RPAP2: variants seen among roughly 807,000 people sequenced by gnomAD.
RPAP2 encodes the protein putative RNA polymerase II subunit B1 CTD phosphatase RPAP2.
RPAP2 carries 52 observed loss-of-function variants against 73.1 expected under a neutral mutation model. The observed-to-expected ratio is 0.71, with a 90% CI of 0.57 to 0.90. The LOEUF is 0.90. Among genes scored for constraint, RPAP2 ranks in the 40% least tolerant of loss-of-function variants. The pLI is 0.00. For synonymous variants in RPAP2, 225 were observed against 242.1 expected (o/e 0.93, Z 0.65); for missense variants, 598 against 701.8 (o/e 0.85, Z 1.67).
chr1:92,336,409 A>C lies in RPAP2; in HGVS notation c.1601A>C (p.Asn534Thr), dbSNP rs1653281106. ...TLGDIYTQLKNLVRTFRLTNR... is the reference protein window; with the variant it reads ...TLGDIYTQLKTLVRTFRLTNR... ...GGAGATATTTACACACAACTTAAAA[A>C]TCTTGTTCGAACTTTCAGGTTAGTG... is the stretch of plus-strand genomic sequence containing the variant. Residue 534 changes from asparagine to threonine, a missense_variant, in exon 10 of 13, where the codon AAT becomes ACT. Physicochemically the swap from Asn to Thr is moderately conservative, Grantham distance 65. Around this residue, in one of 3 missense-constraint regions of RPAP2, gnomAD observed 506 missense variants for 612.8 expected, o/e 0.83. Transcript: ENST00000610020. The C allele has an allele frequency of 6.2e-7, 1 of 1,606,588 alleles. No individual in the cohort carries two copies. Among genetic ancestry groups the C allele is most frequent in the Non-Finnish European group, 8.5e-7 (1 of 1,174,060 alleles).
chr1:92,344,691 A>G (rs1332052267), intron 10 of RPAP2, among the ~76,000 whole-genome samples: 2 of 152,164 alleles, frequency 1.3e-5, no homozygotes, highest in Non-Finnish European at 2.9e-5. Context: ...TTGTCATTCA[A>G]TTGCTCACAT....
intron 11 of RPAP2, among the ~76,000 whole-genome samples, chr1:92,369,272 T>C (rs1215886615): frequency 6.6e-6 from 1 of 152,168 alleles, no homozygotes; most frequent in Non-Finnish European, 1.5e-5. Context: ...CATGTTATTA[T>C]GGGGTTTTGC....
At chr1:92,354,700 T>C (rs971768330) in intron 11 of RPAP2, among the ~76,000 whole-genome samples, 23 of 152,090 alleles carry the variant, frequency 1.5e-4, no homozygotes, top group African/African-American at 5.3e-4. Flanking sequence ...ATCTCTGTTT[T>C]CTAGATAGTA....
chr1:92,311,017 A>C (rs1267982029), intron 6 of RPAP2, among the ~76,000 whole-genome samples: 2 of 152,150 alleles, frequency 1.3e-5, no homozygotes, highest in African/African-American at 4.8e-5. Flanking sequence ...CTAAAGCAAA[A>C]CTTCTGTGAA....
At chr1:92,328,222 T>C (rs1652759940) in intron 8 of RPAP2, among the ~76,000 whole-genome samples, 1 of 151,336 alleles carries the variant, frequency 6.6e-6, no homozygotes, top group African/African-American at 2.4e-5. Context: ...CTGGAGAAGT[T>C]TTCCTTGATT....
At chr1:92,311,163 C>A (rs1401788110) in intron 6 of RPAP2, among the ~76,000 whole-genome samples, 1 of 152,080 alleles carries the variant, frequency 6.6e-6, no homozygotes, top group Non-Finnish European at 1.5e-5. Flanking sequence ...GGATTTAGCT[C>A]ACGTTTTTGG....
Position 92,387,874 on chromosome 1 carries a change from C to T in RPAP2, c.*863C>T, listed in dbSNP as rs1370265674. ...CTGGACTTCAGTTCAGGTTGTATGG[C>T]AGTAGGCCATAGAATTGGCTACTGC... On this transcript the variant is annotated 3_prime_UTR_variant, in exon 13 of 13. Transcript: ENST00000610020. 6.6e-6 allele frequency: 1 copy of T among 152,134 alleles called. No homozygotes were observed. Among genetic ancestry groups the T allele is most frequent in the Non-Finnish European group, 1.5e-5 (1 of 68,018 alleles). 9.4% of individuals were successfully genotyped at this position (152,134 alleles called of 1,614,324 possible).
chr1:92,376,387 A>G (rs1439091398), intron 11 of RPAP2, among the ~76,000 whole-genome samples: 1 of 152,166 alleles, frequency 6.6e-6, no homozygotes. Context: ...GGGAAATACA[A>G]GGGAATAAAT....
In RPAP2 at chr1:92,380,923, A is replaced by C. The variant is rs762185961; in HGVS notation, c.1838+50A>C. 13 of 1,424,440 alleles carry C rather than the reference A, an allele frequency of 9.1e-6. No individual in the cohort carries two copies. The East Asian group carries it at 1.3e-4, about 14-fold the overall frequency. The allele number at this position is 1,424,440 out of a possible 1,614,324, so 88.2% of individuals were successfully genotyped here. On this transcript the variant is annotated intron_variant, in intron 12 of 12. Coordinates refer to ENST00000610020, the MANE Select transcript of RPAP2 (RefSeq NM_024813.3). ...GGTTTTTATTCTTCATTTGTTGCCT[A>C]TGTGGATTCTTTTTTTTTTTAATTG...
Position 92,397,178 on chromosome 1 carries a change from C to T in RPAP2, c.*10167C>T, listed in dbSNP as rs1656202993. The T allele has an allele frequency of 6.6e-6, 1 of 152,070 alleles. No individual in the cohort carries two copies. The highest frequency in any genetic ancestry group is 2.4e-5 in the African/African-American group (1 of 41,386). The allele number at this position is 152,070 out of a possible 1,614,324, so 9.4% of individuals were successfully genotyped here. A position where few individuals can be genotyped will look rare whatever the true frequency, so the allele number is the denominator to read the frequency against. On this transcript the variant is annotated 3_prime_UTR_variant, in exon 13 of 13. Transcript: ENST00000610020. ...CCAAGATGGGCTGATTGCTTGAGTC[C>T]AGGAGTTTGAGACCAACTTGGGCAA...
intron 11 of RPAP2, among the ~76,000 whole-genome samples, chr1:92,364,760 G>C (rs1654870336): frequency 6.6e-6 from 1 of 152,048 alleles, no homozygotes; most frequent in Non-Finnish European, 1.5e-5. Flanking sequence ...CTAGACTGCT[G>C]CAATTATAGC....
intron 11 of RPAP2, among the ~76,000 whole-genome samples, chr1:92,347,169 G>A (rs565320768): frequency 2.1e-4 from 32 of 152,232 alleles, no homozygotes; most frequent in Non-Finnish European, 4.3e-4. Flanking sequence ...TGAATGCCCT[G>A]ATATAAATTT....
In RPAP2 at chr1:92,398,826, C is replaced by G. The variant is rs1656247972; in HGVS notation, c.*11815C>G. The G allele has an allele frequency of 6.6e-6, 1 of 152,192 alleles. No individual in the cohort carries two copies. The highest frequency in any genetic ancestry group is 6.5e-5 in the Admixed American group (1 of 15,272). 9.4% of individuals were successfully genotyped at this position (152,192 alleles called of 1,614,324 possible). On this transcript the variant is annotated 3_prime_UTR_variant, in exon 13 of 13. Coordinates refer to ENST00000610020, the MANE Select transcript of RPAP2 (RefSeq NM_024813.3). ...ACTGCGTGGGGCTGCCTGTGTGATT[C>G]CTGATAAAGAAATGCCTTCATGAAA...
chr1:92,346,335 T>C (rs991063100), intron 11 of RPAP2, among the ~76,000 whole-genome samples: 1 of 152,066 alleles, frequency 6.6e-6, no homozygotes, highest in Non-Finnish European at 1.5e-5. Flanking sequence ...GGCTAATTTT[T>C]GTATTTTTTG....
At chr1:92,301,348 C>CA (rs904357095) in intron 2 of RPAP2, 128 bp from the exon 3 acceptor site, 15 of 383,634 alleles carry the variant, frequency 3.9e-5, no homozygotes, top group African/African-American at 2.6e-4. Flanking sequence ...TATTTTTATT[C>CA]AAAAAATTTT....
chr1:92,339,678 A>G (rs1349889278), intron 10 of RPAP2, among the ~76,000 whole-genome samples: 2 of 152,024 alleles, frequency 1.3e-5, no homozygotes, highest in East Asian at 1.9e-4. Context: ...CATAGAATTG[A>G]TAAGTAGTGA....
At chr1:92,380,023 GCTGAGGCTGGTGGATCGC>G (rs71091277) in intron 11 of RPAP2, among the ~76,000 whole-genome samples, 38,968 of 150,550 alleles carry the variant, frequency 0.26, 6,416 homozygotes, top group Non-Finnish European at 0.35. Flanking sequence ...ACTTTGGGAG[GCTGAGGCTGGTGGATCGC>G]CTGAGGCTGG....
Position 92,392,994 on chromosome 1 carries a change from T to A in RPAP2, c.*5983T>A, listed in dbSNP as rs1251872507. ...GGAAAAAACTACTTTAAGATTCATA[T>A]GGAACCAAAAAAGAGCCCACCTAGC... On this transcript the variant is annotated 3_prime_UTR_variant, in exon 13 of 13. Coordinates refer to ENST00000610020, the MANE Select transcript of RPAP2 (RefSeq NM_024813.3). The A allele has an allele frequency of 2.0e-5, 3 of 152,176 alleles. No homozygotes were observed. Among genetic ancestry groups the A allele is most frequent in the Non-Finnish European group, 4.4e-5 (3 of 68,020 alleles). The allele number at this position is 152,176 out of a possible 1,614,324, so 9.4% of individuals were successfully genotyped here.
At position 92,391,359 on chromosome 1, in the gene RPAP2, A is replaced by G. The variant is rs1476284478; in HGVS notation, c.*4348A>G. The G allele has an allele frequency of 1.3e-5, 2 of 152,222 alleles. No homozygotes were observed. Among genetic ancestry groups the G allele is most frequent in the African/African-American group, 4.8e-5 (2 of 41,460 alleles). The allele number at this position is 152,222 out of a possible 1,614,324, so 9.4% of individuals were successfully genotyped here. ...CGAGAACAAAGACACAATGTACCAG[A>G]ATCTCTAGGACATGTTTAAAGCAGT... On this transcript the variant is annotated 3_prime_UTR_variant, in exon 13 of 13. Transcript: ENST00000610020.
Sources: allele counts gnomAD v4.1 joint callset (sites outside exome capture counted in the v4.1 genomes callset), GRCh38; gene constraint gnomAD v4.1.1; regional missense constraint gnomAD v4.1.1; transcripts MANE v1.5; gene names NCBI Gene and HGNC (gene_info 2026-07-23, HGNC 2026-07-21).